BCKDHB: variants seen among roughly 807,000 people sequenced by gnomAD.
The protein encoded by BCKDHB is branched chain keto acid dehydrogenase E1 subunit beta.
Under a neutral mutation model 48.5 loss-of-function variants are expected in BCKDHB, and 41 were observed. The observed-to-expected ratio is 0.85, with a 90% confidence interval of 0.66 to 1.10. The LOEUF is 1.10. Among genes scored for constraint, BCKDHB ranks in the 50% least tolerant of loss-of-function variants. The probability of loss-of-function intolerance (pLI) is 0.00; values close to 1 mark genes in which losing one functional copy is unlikely to be tolerated. For missense variants in BCKDHB, 496 were observed against 494.2 expected, an observed-to-expected ratio of 1.00 and a Z score of -0.03; for synonymous variants, 201 against 174.8, an observed-to-expected ratio of 1.15 and a Z score of -1.18.
intron 8 of BCKDHB, among the ~76,000 whole-genome samples, chr6:80,221,864 T>A (rs1165373609): frequency 6.6e-6 from 1 of 152,236 alleles, no homozygotes; most frequent in Non-Finnish European, 1.5e-5. Flanking sequence ...GAGTATCTTA[T>A]ATGTTTCTTT....
chr6:80,378,347 T>C, the BCKDHB span, among the ~76,000 whole-genome samples: 5 of 152,206 alleles, frequency 3.3e-5, no homozygotes, highest in Admixed American at 2.6e-4. Flanking sequence ...GATTTTCCAC[T>C]TTTGAGTTAG....
At chr6:80,219,628 G>A (rs949959426) in intron 8 of BCKDHB, among the ~76,000 whole-genome samples, 18 of 152,102 alleles carry the variant, frequency 1.2e-4, no homozygotes, top group African/African-American at 4.3e-4. Flanking sequence ...TGGGTCCTGC[G>A]ATTTGCTCTT....
chr6:80,237,575 T>G (rs1452534799), intron 8 of BCKDHB, among the ~76,000 whole-genome samples: 1 of 152,202 alleles, frequency 6.6e-6, no homozygotes, highest in Admixed American at 6.5e-5. Flanking sequence ...CTTTATCATT[T>G]ATTACCTTTT....
At chr6:80,376,184 C>T in the BCKDHB span, among the ~76,000 whole-genome samples, 1 of 151,986 alleles carries the variant, frequency 6.6e-6, no homozygotes, top group African/African-American at 2.4e-5. Flanking sequence ...CTTGCTGCGG[C>T]TGTTATGGGG....
intron 9 of BCKDHB, among the ~76,000 whole-genome samples, chr6:80,283,860 G>A (rs909661508): frequency 1.3e-5 from 2 of 152,060 alleles, no homozygotes; most frequent in African/African-American, 4.8e-5. Context: ...TTTTATACAT[G>A]AAAGACAGCA....
chr6:80,115,482 T>C (rs1769641984), intron 1 of BCKDHB, among the ~76,000 whole-genome samples: 4 of 151,928 alleles, frequency 2.6e-5, no homozygotes, highest in Admixed American at 2.6e-4. Context: ...GGATGGAGGG[T>C]AGAGGTTTTG....
intron 8 of BCKDHB, among the ~76,000 whole-genome samples, chr6:80,215,156 G>A (rs138706936): frequency 2.0e-4 from 31 of 152,308 alleles, no homozygotes; most frequent in African/African-American, 6.5e-4. Context: ...GTCTCATTTT[G>A]TGTGAGTTTG....
rs1582600488 is a variant in BCKDHB, at chr6:80,343,693, T to C, written c.1068T>C (p.Pro356=). 1 of 1,614,080 alleles carries C rather than the reference T, an allele frequency of 6.2e-7. No individual in the cohort carries two copies. The highest frequency in any genetic ancestry group is 8.5e-7 in the Non-Finnish European group (1 of 1,179,962). Residue 356 remains proline, a synonymous_variant, in exon 10 of 10, where the codon CCT becomes CCC. Transcript: ENST00000320393. ...AATGTTTCTTGAACCTAGAGGCTCC[T>C]ATATCAAGAGTATGTGGTTATGACA... ...QEECFLNLEA[P]ISRVCGYDTP...
intron 8 of BCKDHB, among the ~76,000 whole-genome samples, chr6:80,255,353 A>T (rs1056951216): frequency 2.0e-5 from 3 of 152,230 alleles, no homozygotes; most frequent in Non-Finnish European, 2.9e-5. Context: ...ATGAGTCATC[A>T]ATGAAAGACT....
chr6:80,356,992 A>G, the BCKDHB span: 1 of 133,624 alleles, frequency 7.5e-6, no homozygotes, highest in Non-Finnish European at 1.6e-5. Flanking sequence ...AGGGAAGATT[A>G]AAAACAAATA....
chr6:80,290,185 G>A (rs1490930558), intron 9 of BCKDHB, among the ~76,000 whole-genome samples: 1 of 150,542 alleles, frequency 6.6e-6, no homozygotes, highest in Non-Finnish European at 1.5e-5. Flanking sequence ...TTGGGAGTAA[G>A]TAGCCAAGAT....
chr6:80,390,378 T>A, the BCKDHB span, among the ~76,000 whole-genome samples: 2 of 152,130 alleles, frequency 1.3e-5, no homozygotes, highest in Admixed American at 6.6e-5. Flanking sequence ...GAATACAGAA[T>A]GGGTAGTAGA....
At chr6:80,158,325 C>T (rs1268024460) in intron 3 of BCKDHB, among the ~76,000 whole-genome samples, 5 of 152,124 alleles carry the variant, frequency 3.3e-5, no homozygotes, top group South Asian at 2.1e-4. Flanking sequence ...TTAGCCATTA[C>T]GATGACCCAG....
chr6:80,371,073 C>T, the BCKDHB span, among the ~76,000 whole-genome samples: 3 of 152,094 alleles, frequency 2.0e-5, no homozygotes, highest in Admixed American at 1.3e-4. Flanking sequence ...ACACTATTTT[C>T]CATAGTGGTT....
chr6:80,108,544 A>T (rs1206819066), intron 1 of BCKDHB, among the ~76,000 whole-genome samples: 1 of 139,218 alleles, frequency 7.2e-6, no homozygotes, highest in Non-Finnish European at 1.5e-5. Flanking sequence ...GATAATTTGG[A>T]TAATGGATAA....
intron 8 of BCKDHB, among the ~76,000 whole-genome samples, chr6:80,233,183 T>G (rs545772929): frequency 6.6e-6 from 1 of 152,092 alleles, no homozygotes; most frequent in Non-Finnish European, 1.5e-5. Context: ...CCTTATCTCA[T>G]TAACATAGTA....
At chr6:80,148,986 A>C (rs528924650) in intron 3 of BCKDHB, among the ~76,000 whole-genome samples, 44 of 152,318 alleles carry the variant, frequency 2.9e-4, no homozygotes, top group African/African-American at 1.0e-3. Context: ...TAATTAAACT[A>C]AAGAGCTTCT....
At chr6:80,189,335 A>G (rs531271067) in intron 6 of BCKDHB, among the ~76,000 whole-genome samples, 1 of 152,338 alleles carries the variant, frequency 6.6e-6, no homozygotes, top group South Asian at 2.1e-4. Context: ...CATAGCAAAT[A>G]ATTTCTCACT....
At chr6:80,220,389 C>T (rs1283673352) in intron 8 of BCKDHB, among the ~76,000 whole-genome samples, 1 of 59,204 alleles carries the variant, frequency 1.7e-5, no homozygotes, top group East Asian at 8.2e-4. Context: ...TAGATTATCT[C>T]TGTTTCTTTA....
Sources: gnomAD v4.1 joint callset for allele counts (sites outside exome capture counted in the v4.1 genomes callset) on GRCh38, gnomAD v4.1.1 for gene constraint, MANE v1.5 for transcripts, NCBI Gene and HGNC (gene_info 2026-07-23, HGNC 2026-07-21) for gene names.